Variants in ANK2 observed in about 807,000 individuals in gnomAD.
ANK2 encodes the protein ankyrin 2.
Under a neutral mutation model 360.5 loss-of-function variants are expected in ANK2, and 83 were observed. That is an observed-to-expected ratio of 0.23 (90% CI 0.19 to 0.28). The LOEUF is 0.28. ANK2 is among the 10% of genes least tolerant of loss of function. ANK2 has a pLI of 1.00. For missense variants in ANK2, 4,201 were observed against 4,795.7 expected (o/e 0.88, Z 3.66); for synonymous variants, 1,740 against 1,759.5 (o/e 0.99, Z 0.28).
At chr4:112,871,053 G>T (rs79651796) in intron 1 of ANK2, among the ~76,000 whole-genome samples, 2 of 151,900 alleles carry the variant, frequency 1.3e-5, no homozygotes, top group Non-Finnish European at 2.9e-5. Flanking sequence ...ATTTGATTGC[G>T]TTTGATGCTA....
At chr4:113,238,994 A>C (rs2099404796) in intron 7 of ANK2, among the ~76,000 whole-genome samples, 1 of 152,188 alleles carries the variant, frequency 6.6e-6, no homozygotes, top group South Asian at 2.1e-4. Context: ...TTGTAACATC[A>C]GTAATAGACA....
At chr4:112,969,106 C>G (rs147779241) in intron 2 of ANK2, among the ~76,000 whole-genome samples, 1 of 152,308 alleles carries the variant, frequency 6.6e-6, no homozygotes, top group Admixed American at 6.5e-5. Context: ...GATGAGAACA[C>G]TGAGGTTCTA....
chr4:112,749,451 C>T, the ANK2 span, among the ~76,000 whole-genome samples: 1 of 152,116 alleles, frequency 6.6e-6, no homozygotes, highest in Non-Finnish European at 1.5e-5. Context: ...TGTTTATGGA[C>T]CCAACTTTGG....
At chr4:112,930,463 GA>G (rs1267826252) in intron 2 of ANK2, among the ~76,000 whole-genome samples, 1 of 143,102 alleles carries the variant, frequency 7.0e-6, no homozygotes, top group Admixed American at 7.0e-5. Flanking sequence ...AAAAAAAAAA[GA>G]AAAGAAAATG....
intron 2 of ANK2, among the ~76,000 whole-genome samples, chr4:112,938,664 C>T (rs2093957579): frequency 6.6e-6 from 1 of 152,104 alleles, no homozygotes; most frequent in Non-Finnish European, 1.5e-5. Context: ...ACATTGCCAC[C>T]TAGTGGATTA....
At chr4:112,924,812 T>C (rs895577120) in intron 2 of ANK2, among the ~76,000 whole-genome samples, 19 of 151,722 alleles carry the variant, frequency 1.3e-4, no homozygotes, top group Middle Eastern at 6.9e-3. Flanking sequence ...TAATTTCAAA[T>C]TTTTCTTACA....
intron 18 of ANK2, among the ~76,000 whole-genome samples, chr4:113,287,103 A>G (rs2153727778): frequency 6.6e-6 from 1 of 152,342 alleles, no homozygotes; most frequent in South Asian, 2.1e-4. Context: ...GAACCTCCTG[A>G]AAAGTATACC....
chr4:113,307,741 C>T (rs991312455), intron 23 of ANK2, among the ~76,000 whole-genome samples: 3 of 152,106 alleles, frequency 2.0e-5, no homozygotes, highest in African/African-American at 4.8e-5. Flanking sequence ...TATTGTCACC[C>T]GTGTCCTACA....
At chr4:112,971,440 T>C (rs1020332579) in intron 2 of ANK2, among the ~76,000 whole-genome samples, 1 of 152,202 alleles carries the variant, frequency 6.6e-6, no homozygotes, top group African/African-American at 2.4e-5. Flanking sequence ...TCAGACAATT[T>C]TTCTGAGAAA....
At chr4:113,370,638 T>C (rs2096703747) in intron 43 of ANK2, among the ~76,000 whole-genome samples, 2 of 152,058 alleles carry the variant, frequency 1.3e-5, no homozygotes, top group African/African-American at 4.8e-5. Flanking sequence ...CGAGTGCCTG[T>C]AGTCCCAGCT....
At chr4:112,980,777 T>C (rs2042909169) in intron 2 of ANK2, among the ~76,000 whole-genome samples, 1 of 152,010 alleles carries the variant, frequency 6.6e-6, no homozygotes, top group Non-Finnish European at 1.5e-5. Context: ...ATTGTGAAAT[T>C]TTTAATTGAG....
At chr4:113,106,908 G>A (rs1442229264) in intron 1 of ANK2, 1 of 533,276 alleles carries the variant, frequency 1.9e-6, no homozygotes, top group African/African-American at 1.9e-5. Flanking sequence ...TCCATCTCCT[G>A]CCTATTTATT....
intron 26 of ANK2, chr4:113,323,748 T>C: frequency 6.2e-7 from 1 of 1,611,482 alleles, no homozygotes; most frequent in Non-Finnish European, 8.5e-7. Context: ...AAAGTATCTA[T>C]TCTGTTGCAG....
chr4:113,265,064 G>T, intron 14 of ANK2, 69 bp downstream of exon 14: 1 of 1,404,358 alleles, frequency 7.1e-7, no homozygotes, highest in East Asian at 2.5e-5. Flanking sequence ...AGAGGGTGTT[G>T]CCCTTCAGTT....
chr4:113,170,382 C>A (rs767031176), intron 1 of ANK2, among the ~76,000 whole-genome samples: 12 of 152,126 alleles, frequency 7.9e-5, no homozygotes, highest in Non-Finnish European at 1.3e-4. Context: ...GATTCTCTGA[C>A]CATTCTTGTC....
At chr4:113,001,063 G>A (rs890583284) in intron 2 of ANK2, among the ~76,000 whole-genome samples, 14 of 151,982 alleles carry the variant, frequency 9.2e-5, no homozygotes, top group African/African-American at 3.1e-4. Context: ...GGTCGGGCAC[G>A]GTGGTTCACG....
the ANK2 span, among the ~76,000 whole-genome samples, chr4:112,763,570 T>C: frequency 6.8e-6 from 1 of 146,860 alleles, no homozygotes; most frequent in Non-Finnish European, 1.5e-5. Context: ...TCTCGCTCTG[T>C]TGCCCAGGCT....
In ANK2 at chr4:113,358,047, C is replaced by T; in HGVS notation, c.9429C>T (p.Leu3143=). The T allele has an allele frequency of 1.2e-6, 2 of 1,614,016 alleles. No individual in the cohort carries two copies. Among genetic ancestry groups the T allele is most frequent in the Non-Finnish European group, 1.7e-6 (2 of 1,179,958 alleles). ...QIGQESREET[L]SEDVKEGATG... ...GTCAAGAATCCAGGGAAGAGACTCT[C>T]TCTGAAGATGTGAAAGAAGGGGCTA... The change falls in exon 38 of 46, where the codon CTC becomes CTT. Residue 3143 remains leucine (L), a synonymous_variant. Transcript: ENST00000357077.
chr4:112,885,238 C>T (rs138059578), intron 1 of ANK2, among the ~76,000 whole-genome samples: 1,964 of 152,240 alleles, frequency 0.013, 20 homozygotes, highest in Admixed American at 0.02. Context: ...TGGTGGTTCA[C>T]GCCTGTAATC....
Sources: gnomAD v4.1 joint callset for allele counts (sites outside exome capture counted in the v4.1 genomes callset) on GRCh38, gnomAD v4.1.1 for gene constraint, MANE v1.5 for transcripts, NCBI Gene and HGNC (gene_info 2026-07-23, HGNC 2026-07-21) for gene names.